NTRK3: variants seen among roughly 807,000 people sequenced by gnomAD.
NTRK3 encodes neurotrophic receptor tyrosine kinase 3.
Under a neutral mutation model 91.7 loss-of-function variants are expected in NTRK3, and 24 were observed. The ratio of observed to expected loss-of-function variants is 0.26; its 90% confidence interval spans 0.19 to 0.37. The LOEUF is 0.37. NTRK3 is among the 10% of genes least tolerant of loss of function. The pLI, the probability that NTRK3 is intolerant of heterozygous loss-of-function variation, is 1.00. For missense variants in NTRK3, 880 were observed against 1,068.9 expected (o/e 0.82, Z 2.46); for synonymous variants, 483 against 404.0 (o/e 1.20, Z -2.34).
chr15:88,142,917 AC>A (rs1402612786), intron 6 of NTRK3, among the ~76,000 whole-genome samples: 4 of 152,146 alleles, frequency 2.6e-5, no homozygotes, highest in African/African-American at 9.7e-5. Context: ...AATAACTGGT[AC>A]CCTTAAAAAA....
intron 5 of NTRK3, among the ~76,000 whole-genome samples, chr15:88,156,547 T>C (rs888969149): frequency 1.3e-5 from 2 of 151,968 alleles, no homozygotes; most frequent in Non-Finnish European, 2.9e-5. Context: ...CCCTTAGAGC[T>C]AGCTCCCTGG....
Position 88,243,962 on chromosome 15 carries a change from T to A in NTRK3, c.248+11944A>T, listed in dbSNP as rs539923223. The stretch of plus-strand genomic sequence containing the variant: ...AGCAGTTGAAGGGGAGAAATTCTGC[T>A]AATGAAACCTCTGAAGCCAATATCC... On this transcript the variant is annotated intron_variant, in intron 3 of 18. Coordinates refer to ENST00000394480, the Ensembl canonical transcript of NTRK3. This position sits in a 1 kb window ranked among gnomAD's most constrained non-coding sequence, Gnocchi z 4.8. Among the ~76,000 whole-genome samples the A allele has an allele frequency of 1.3e-5, 2 of 152,326 alleles. No individual in the cohort carries two copies. Among genetic ancestry groups the A allele is most frequent in the Non-Finnish European group, 2.9e-5 (2 of 68,028 alleles).
chr15:87,956,585 T>C (rs574318012), intron 14 of NTRK3, among the ~76,000 whole-genome samples: 1 of 149,406 alleles, frequency 6.7e-6, no homozygotes, highest in Non-Finnish European at 1.5e-5. Context: ...TTTTTCTTTT[T>C]TTGAGATGGA....
At chr15:88,082,738 G>A (rs541916367) in intron 13 of NTRK3, among the ~76,000 whole-genome samples, 2 of 152,352 alleles carry the variant, frequency 1.3e-5, no homozygotes, top group South Asian at 4.1e-4. Context: ...GGCTTGCAGA[G>A]TGTGTTCCCA....
intron 13 of NTRK3, among the ~76,000 whole-genome samples, chr15:88,054,412 A>G (rs1018072161): frequency 6.6e-6 from 1 of 152,098 alleles, no homozygotes; most frequent in African/African-American, 2.4e-5. Flanking sequence ...CCCACACATG[A>G]GCAATCCACA....
At chr15:88,171,354 G>A (rs2045499981) in intron 5 of NTRK3, among the ~76,000 whole-genome samples, 1 of 152,150 alleles carries the variant, frequency 6.6e-6, no homozygotes, top group South Asian at 2.1e-4. Context: ...CATGTGTGTT[G>A]AGGCTGCCAT....
intron 16 of NTRK3, among the ~76,000 whole-genome samples, chr15:87,932,418 C>A (rs987942670): frequency 6.6e-6 from 1 of 152,148 alleles, no homozygotes; most frequent in South Asian, 2.1e-4. Context: ...CCTTATTGAA[C>A]TTTAATTAAT....
intron 14 of NTRK3, among the ~76,000 whole-genome samples, chr15:87,964,770 G>C (rs1215936745): frequency 6.6e-6 from 1 of 152,146 alleles, no homozygotes; most frequent in African/African-American, 2.4e-5. Flanking sequence ...CAGCTACTTA[G>C]CATGTTTCTC....
chr15:88,034,663 T>C (rs1459392928), intron 13 of NTRK3, among the ~76,000 whole-genome samples: 1 of 152,154 alleles, frequency 6.6e-6, no homozygotes, highest in Non-Finnish European at 1.5e-5. Context: ...ATATTTCCCA[T>C]CAAATAGCGA....
intron 3 of NTRK3, among the ~76,000 whole-genome samples, chr15:88,239,984 C>G (rs2052172773): frequency 6.6e-6 from 1 of 152,018 alleles, no homozygotes; most frequent in African/African-American, 2.4e-5. Flanking sequence ...TGCGCATGCA[C>G]GCCAAAGCTT....
exon 19 of NTRK3, chr15:87,868,676 A>C: frequency 4.5e-6 from 1 of 220,378 alleles, no homozygotes; most frequent in East Asian, 6.6e-5. Flanking sequence ...ATTTTGCAGA[A>C]AAGTTGCAAT....
chr15:88,016,958 A>T (rs1178322647), intron 14 of NTRK3, among the ~76,000 whole-genome samples: 79 of 48,208 alleles, frequency 1.6e-3, no homozygotes, highest in Middle Eastern at 0.013. Flanking sequence ...ACGAAGCTTA[A>T]AAAAAAAAAA....
chr15:88,207,054 C>T (rs963273057), intron 3 of NTRK3, among the ~76,000 whole-genome samples: 4 of 152,224 alleles, frequency 2.6e-5, no homozygotes, highest in African/African-American at 9.6e-5. Context: ...CTCGGAGTCA[C>T]TGGCTTAGCG....
At chr15:87,961,990 C>A (rs1273172163) in intron 14 of NTRK3, among the ~76,000 whole-genome samples, 1 of 152,230 alleles carries the variant, frequency 6.6e-6, no homozygotes, top group Non-Finnish European at 1.5e-5. Context: ...CTCGGCCTGG[C>A]AGATAGGAAG....
At chr15:87,922,819 T>A (rs1460405255) in intron 17 of NTRK3, among the ~76,000 whole-genome samples, 1 of 152,328 alleles carries the variant, frequency 6.6e-6, no homozygotes, top group Non-Finnish European at 1.5e-5. Context: ...CTTCTAGATG[T>A]GTTTTCTTAT....
At chr15:88,211,818 G>C (rs2049270931) in intron 3 of NTRK3, among the ~76,000 whole-genome samples, 1 of 152,208 alleles carries the variant, frequency 6.6e-6, no homozygotes, top group Non-Finnish European at 1.5e-5. Context: ...TTCTATAAAA[G>C]ATTGTGTGTG....
At position 88,136,021 on chromosome 15, in the gene NTRK3, T is replaced by C. The variant is rs1490692091; in HGVS notation, c.785A>G (p.Asn262Ser). 3.1e-6 allele frequency: 5 copies of C among 1,614,254 alleles called. No homozygotes were observed. The South Asian group carries it at 3.3e-5, about 11-fold the overall frequency. Residue 262 changes from asparagine to serine, a missense_variant, in exon 9 of 19, where the codon AAT (asparagine) becomes AGT (serine). Transcript: ENST00000394480. ...CAGCGTCAAGTTGATGGCATGAACA[T>C]TGGTCCAGTTCAGATTGGTCTGAAA...
intron 17 of NTRK3, among the ~76,000 whole-genome samples, chr15:87,896,800 G>C (rs1012547049): frequency 6.6e-6 from 1 of 152,170 alleles, no homozygotes; most frequent in Non-Finnish European, 1.5e-5. Flanking sequence ...CTTTTCTACA[G>C]TGACATCAGA....
At chr15:88,144,560 C>G (rs1338940692) in intron 6 of NTRK3, among the ~76,000 whole-genome samples, 1 of 152,036 alleles carries the variant, frequency 6.6e-6, no homozygotes, top group East Asian at 1.9e-4. Context: ...GTAAGAGAAA[C>G]AGCCTGGTCT....
Sources: allele counts gnomAD v4.1 joint callset (sites outside exome capture counted in the v4.1 genomes callset), GRCh38; gene constraint gnomAD v4.1.1; non-coding constraint Gnocchi (gnomAD v3.1); transcripts MANE v1.5; gene names NCBI Gene and HGNC (gene_info 2026-07-23, HGNC 2026-07-21).